Variants in MFSD12 observed in about 807,000 individuals in gnomAD.
MFSD12 encodes the protein major facilitator superfamily domain containing 12.
Under a neutral mutation model 51.2 loss-of-function variants are expected in MFSD12, and 67 were observed. The observed-to-expected ratio is 1.31, with a 90% CI of 1.08 to 1.60. The LOEUF (loss-of-function observed/expected upper bound fraction) is 1.60. MFSD12 is among the 40% of genes most tolerant of loss of function. The pLI is 0.00. For synonymous variants in MFSD12, 441 were observed against 316.7 expected (o/e 1.39, Z -4.17); for missense variants, 921 against 673.0 (o/e 1.37, Z -4.08).
chr19:3,538,496 A>G (rs191438408), exon 5 of MFSD12: 10 of 326,076 alleles, frequency 3.1e-5, no homozygotes, highest in Non-Finnish European at 5.5e-5. Context: ...GATTCTGTGG[A>G]TTGGTCTGTC....
chr19:3,548,091 A>G (rs2031226932), intron 3 of MFSD12, 32 bp downstream of exon 3: 1 of 1,602,464 alleles, frequency 6.2e-7, no homozygotes, highest in African/African-American at 1.3e-5. Flanking sequence ...TGGCTCGAGG[A>G]CTTCAGGCGA....
Position 3,551,218 on chromosome 19 carries a change from C to A in MFSD12, c.299-24G>T. Reference sequence around the variant, plus strand: ...GCCTGTGGAAGGCAGAGTGGTCAGTCGCGGGGCTGTCCCGCACCAGCCAGG... The same window carrying A: ...GCCTGTGGAAGGCAGAGTGGTCAGTAGCGGGGCTGTCCCGCACCAGCCAGG... On this transcript the variant is annotated intron_variant, in intron 1 of 9. Coordinates refer to ENST00000355415, the MANE Select transcript of MFSD12 (RefSeq NM_174983.5). This position sits in a 1 kb window ranked among gnomAD's most constrained non-coding sequence, Gnocchi z 4.6. The A allele has an allele frequency of 6.4e-7, 1 of 1,559,352 alleles. No homozygotes were observed. The highest frequency in any genetic ancestry group is 1.2e-5 in the South Asian group (1 of 84,398).
chr19:3,539,294 CCCCTCCCTCCCT>C (rs138477057), downstream of MFSD12: 23 of 1,283,384 alleles, frequency 1.8e-5, no homozygotes, highest in East Asian at 5.4e-4. Context: ...CCCCTCCCAG[CCCCTCCCTCCCT>C]CCCTCCCTGG....
chr19:3,543,480 G>C (rs966722377), downstream of MFSD12: 15 of 1,338,726 alleles, frequency 1.1e-5, no homozygotes, highest in Non-Finnish European at 1.4e-5. Flanking sequence ...TCGGGTGAGT[G>C]CCCCCCCCCC....
chr19:3,545,212 G>T (rs1485941236), intron 8 of MFSD12, among the ~76,000 whole-genome samples: 1 of 152,134 alleles, frequency 6.6e-6, no homozygotes, highest in Non-Finnish European at 1.5e-5. Context: ...ACCCGCCCCG[G>T]TCCCAGGCTG....
downstream of MFSD12, among the ~76,000 whole-genome samples, chr19:3,540,542 C>T (rs966832648): frequency 4.6e-5 from 7 of 151,046 alleles, no homozygotes; most frequent in East Asian, 8.2e-4. Flanking sequence ...AGGCGTGAGG[C>T]ACCGCGCCTA....
At chr19:3,545,012 T>C in intron 8 of MFSD12, 73 bp from the exon 9 acceptor site, 1 of 1,509,390 alleles carries the variant, frequency 6.6e-7, no homozygotes, top group Middle Eastern at 2.2e-4. Flanking sequence ...AACCTGTGCC[T>C]CCCCTCACCC....
chr19:3,542,423 C>T (rs541843208), downstream of MFSD12: 22 of 985,408 alleles, frequency 2.2e-5, 1 homozygote, highest in South Asian at 7.0e-4. Context: ...GGATGACTTC[C>T]TTGGGACATA....
intron 2 of MFSD12, 61 bp from the exon 3 acceptor site, chr19:3,548,328 A>C: frequency 4.6e-6 from 7 of 1,532,496 alleles, no homozygotes; most frequent in Non-Finnish European, 6.1e-6. Context: ...CTTCCTCCCC[A>C]CGTGGCTACG....
downstream of MFSD12, chr19:3,543,067 C>T: frequency 6.3e-7 from 1 of 1,593,672 alleles, no homozygotes; most frequent in South Asian, 1.1e-5. Context: ...CAAGCACCCA[C>T]TCTGGGGTGA....
At chr19:3,556,606 G>A (rs2145228816) in intron 1 of MFSD12, among the ~76,000 whole-genome samples, 1 of 151,324 alleles carries the variant, frequency 6.6e-6, no homozygotes, top group Non-Finnish European at 1.5e-5. Context: ...GGAGGCTCAG[G>A]CCATGGGGCA....
intron 1 of MFSD12, 120 bp downstream of exon 1, chr19:3,556,986 C>G: frequency 1.0e-6 from 1 of 998,664 alleles, no homozygotes; most frequent in Non-Finnish European, 1.4e-6. Context: ...ACAGACAGAC[C>G]GAGGGGAGAC....
chr19:3,548,588 C>A (rs770004795), intron 2 of MFSD12, among the ~76,000 whole-genome samples: 14 of 152,220 alleles, frequency 9.2e-5, no homozygotes, highest in African/African-American at 1.2e-4. Context: ...TTCGAGAATT[C>A]TTCTTCCCCA....
chr19:3,543,234 G>C, downstream of MFSD12: 1 of 1,542,446 alleles, frequency 6.5e-7, no homozygotes, highest in Non-Finnish European at 8.7e-7. Flanking sequence ...CCCACCCTCA[G>C]CGATGACTAC....
chr19:3,540,089 C>CTTTTTTTTTTTTTTTTTTTTT (rs770199097), downstream of MFSD12: 2 of 88,190 alleles, frequency 2.3e-5, no homozygotes, highest in African/African-American at 7.8e-5. Flanking sequence ...CATCTCTTTT[C>CTTTTTTTTTTTTTTTTTTTTT]TTTTTTTTTT....
At chr19:3,539,311 C>CCATA, downstream of MFSD12, 1 of 1,147,468 alleles carries the variant, frequency 8.7e-7, no homozygotes, top group South Asian at 1.3e-5. Context: ...CTCCCTCCCT[C>CCATA]CCTGGGTGTC....
Position 3,548,118 on chromosome 19 carries a change from C to T in MFSD12, c.654+5G>A, listed in dbSNP as rs1049253576. ...TTCAGGCGACCCACCCGGACTCCAG[C>T]TCACCCGGAACACGGGCACGTCCTG... On this transcript the variant is annotated splice_donor_5th_base_variant and intron_variant, in intron 3 of 9. Coordinates refer to ENST00000355415, the MANE Select transcript of MFSD12 (RefSeq NM_174983.5). The T allele has an allele frequency of 2.5e-6, 4 of 1,605,998 alleles. No individual in the cohort carries two copies. The highest frequency in any genetic ancestry group is 3.4e-6 in the Non-Finnish European group (4 of 1,178,962).
At chr19:3,546,462 G>T in intron 6 of MFSD12, 37 bp from the exon 7 acceptor site, 1 of 1,574,314 alleles carries the variant, frequency 6.4e-7, no homozygotes, top group South Asian at 1.2e-5. Context: ...CCACACCACT[G>T]GGTGCCCCCA....
downstream of MFSD12, chr19:3,539,218 C>T: frequency 6.4e-7 from 1 of 1,550,810 alleles, no homozygotes. Context: ...CCCTGTATCC[C>T]CTCGGGGACC....
Sources: gnomAD v4.1 joint callset for allele counts (sites outside exome capture counted in the v4.1 genomes callset) on GRCh38, gnomAD v4.1.1 for gene constraint, Gnocchi (gnomAD v3.1) non-coding constraint, MANE v1.5 for transcripts, NCBI Gene and HGNC (gene_info 2026-07-23, HGNC 2026-07-21) for gene names.